SH3RF3: variants seen among roughly 807,000 people sequenced by gnomAD.
The protein encoded by SH3RF3 is E3 ubiquitin-protein ligase SH3RF3.
In SH3RF3, 29 loss-of-function variants were observed where a neutral mutation model predicts 66.3. That is an observed-to-expected ratio of 0.44 (90% CI 0.33 to 0.60). The LOEUF (loss-of-function observed/expected upper bound fraction) is 0.60, where lower values mean the gene tolerates loss of function less well. Among genes scored for constraint, SH3RF3 ranks in the 20% least tolerant of loss-of-function variants. The pLI, the probability that SH3RF3 is intolerant of heterozygous loss-of-function variation, is 0.04. For synonymous variants in SH3RF3, 583 were observed against 532.0 expected (o/e 1.10, Z -1.32); for missense variants, 1,194 against 1,190.9 (o/e 1.00, Z -0.04).
intron 1 of SH3RF3, among the ~76,000 whole-genome samples, chr2:109,200,267 C>T (rs1033186248): frequency 2.0e-5 from 3 of 152,140 alleles, no homozygotes; most frequent in South Asian, 2.1e-4. Flanking sequence ...GGGCTTTCAG[C>T]AAGGTGTTCT....
At chr2:109,157,754 A>G (rs1677382666) in intron 1 of SH3RF3, among the ~76,000 whole-genome samples, 1 of 152,180 alleles carries the variant, frequency 6.6e-6, no homozygotes, top group African/African-American at 2.4e-5. Flanking sequence ...TCTTGATGTC[A>G]TCAACAGGGA....
intron 5 of SH3RF3, among the ~76,000 whole-genome samples, 192 bp downstream of exon 5, chr2:109,419,834 C>T (rs1241115019): frequency 6.6e-6 from 1 of 152,222 alleles, no homozygotes; most frequent in Non-Finnish European, 1.5e-5. Flanking sequence ...CTTCTGATGT[C>T]GTTGTTTCTA....
chr2:109,194,503 G>A (rs1250218456), intron 1 of SH3RF3, among the ~76,000 whole-genome samples: 2 of 152,216 alleles, frequency 1.3e-5, no homozygotes, highest in Admixed American at 6.5e-5. Flanking sequence ...TGGGTGGTGC[G>A]CATCTGAGGA....
At chr2:109,216,916 A>C (rs890333010) in intron 1 of SH3RF3, among the ~76,000 whole-genome samples, 5 of 152,184 alleles carry the variant, frequency 3.3e-5, no homozygotes, top group African/African-American at 1.2e-4. Flanking sequence ...TCCCAAACCG[A>C]AATTCTGTCC....
intron 1 of SH3RF3, among the ~76,000 whole-genome samples, chr2:109,178,815 A>G (rs1256084819): frequency 6.6e-6 from 1 of 152,172 alleles, no homozygotes; most frequent in East Asian, 1.9e-4. Context: ...TGAGCAAAAT[A>G]ATTGTGTTAC....
intron 3 of SH3RF3, among the ~76,000 whole-genome samples, chr2:109,379,410 C>A (rs1055808383): frequency 6.6e-6 from 1 of 152,080 alleles, no homozygotes. Flanking sequence ...TCCCGTGGTC[C>A]CACTCTCCAG....
chr2:109,262,578 T>C (rs1680382770), intron 1 of SH3RF3, among the ~76,000 whole-genome samples: 1 of 152,238 alleles, frequency 6.6e-6, no homozygotes, highest in Admixed American at 6.5e-5. Context: ...TAATGTTGTT[T>C]CTTTTAAAGA....
chr2:109,353,781 G>A (rs977384904), intron 2 of SH3RF3, among the ~76,000 whole-genome samples: 2 of 152,202 alleles, frequency 1.3e-5, no homozygotes, highest in Non-Finnish European at 2.9e-5. Flanking sequence ...TCCCCTGCCC[G>A]TGTGTGCATG....
Position 109,295,403 on chromosome 2 carries a change from A to G in SH3RF3, c.574-52271A>G, listed in dbSNP as rs1052533524. On this transcript the variant is annotated intron_variant, in intron 1 of 9. Coordinates refer to ENST00000309415, the MANE Select transcript of SH3RF3 (RefSeq NM_001099289.3). ...TGTAACCCAGGCCGCCTGGCTCTGAAGTCTTCAGTGTCTAAAGAACTCAGG... is the reference window on the plus strand; with the variant it reads ...TGTAACCCAGGCCGCCTGGCTCTGAGGTCTTCAGTGTCTAAAGAACTCAGG... Among the ~76,000 whole-genome samples, 10 of 152,206 alleles carry G rather than the reference A, an allele frequency of 6.6e-5. No individual in the cohort carries two copies. In the South Asian group the frequency reaches 8.3e-4, roughly 13 times the overall value.
intron 1 of SH3RF3, among the ~76,000 whole-genome samples, chr2:109,263,862 G>A (rs886148688): frequency 2.6e-5 from 4 of 152,192 alleles, no homozygotes; most frequent in Admixed American, 1.3e-4. Flanking sequence ...CCAGCTGCTC[G>A]GGAGGCTGAG....
chr2:109,226,793 G>C (rs2105169097), intron 1 of SH3RF3, among the ~76,000 whole-genome samples: 1 of 152,292 alleles, frequency 6.6e-6, no homozygotes, highest in East Asian at 1.9e-4. Flanking sequence ...AGGAACTTGT[G>C]GCTTAGTAAG....
chr2:109,313,734 T>C (rs1000014075), intron 1 of SH3RF3: 1 of 155,012 alleles, frequency 6.5e-6, no homozygotes, highest in African/African-American at 2.4e-5. Flanking sequence ...TGCCTTGAGC[T>C]GAAAGGTGCT....
chr2:109,290,279 A>ACTT, intron 1 of SH3RF3, among the ~76,000 whole-genome samples: 1 of 152,232 alleles, frequency 6.6e-6, no homozygotes, highest in Non-Finnish European at 1.5e-5. Flanking sequence ...TGAAGTGAGA[A>ACTT]CTTCTCTTTC....
chr2:109,196,677 A>G (rs73952872), intron 1 of SH3RF3, among the ~76,000 whole-genome samples: 2,101 of 152,212 alleles, frequency 0.014, 59 homozygotes, highest in African/African-American at 0.048. Context: ...GGTTGCAGTG[A>G]GGGGCTGGCT....
chr2:109,222,624 G>A (rs1679281819), intron 1 of SH3RF3, among the ~76,000 whole-genome samples: 1 of 152,218 alleles, frequency 6.6e-6, no homozygotes, highest in African/African-American at 2.4e-5. Context: ...ACTGGGCCTA[G>A]GAAGGGTGGT....
At chr2:109,172,777 A>G (rs999582725) in intron 1 of SH3RF3, among the ~76,000 whole-genome samples, 1 of 152,260 alleles carries the variant, frequency 6.6e-6, no homozygotes, top group East Asian at 1.9e-4. Context: ...ACCAAACTGC[A>G]TGTGGGTTAC....
intron 1 of SH3RF3, among the ~76,000 whole-genome samples, chr2:109,257,136 A>G (rs1657070735): frequency 6.6e-6 from 1 of 152,212 alleles, no homozygotes. Context: ...TCCACTCTGC[A>G]GCCGACATTC....
intron 8 of SH3RF3, among the ~76,000 whole-genome samples, chr2:109,457,089 TCA>T (rs1211546989): frequency 1.3e-5 from 2 of 152,202 alleles, no homozygotes; most frequent in Non-Finnish European, 2.9e-5. Flanking sequence ...CTTCCATGCC[TCA>T]GTTTCCACAT....
intron 3 of SH3RF3, among the ~76,000 whole-genome samples, chr2:109,373,550 ATAAAAG>A (rs1229831573): frequency 1.3e-5 from 2 of 152,312 alleles, no homozygotes; most frequent in African/African-American, 4.8e-5. Flanking sequence ...GAAGCCAGAC[ATAAAAG>A]TAAATGCCGT....
Sources: gnomAD v4.1 joint callset for allele counts (sites outside exome capture counted in the v4.1 genomes callset) on GRCh38, gnomAD v4.1.1 for gene constraint, MANE v1.5 for transcripts, NCBI Gene and HGNC (gene_info 2026-07-23, HGNC 2026-07-21) for gene names.